MDFIC2: variants seen among roughly 807,000 people sequenced by gnomAD.
The protein encoded by MDFIC2 is myoD family inhibitor domain-containing protein 2.
In MDFIC2 at chr3:70,196,040, C is replaced by T. The variant is rs1701176060; in HGVS notation, c.*886G>A. Among the ~76,000 whole-genome samples, 2 of 152,156 alleles carry T rather than the reference C, an allele frequency of 1.3e-5. No homozygotes were observed. The highest frequency in any genetic ancestry group is 2.9e-5 in the Non-Finnish European group (2 of 68,010). ...AAGTACCCTCAACGCTTATTTCTTT[C>T]TGGTGTCTATACAAATGATAGTTTT... On this transcript the variant is annotated 3_prime_UTR_variant, in exon 4 of 4. Coordinates refer to ENST00000567252, the MANE Select transcript of MDFIC2 (RefSeq NM_001364677.1).
chr3:70,201,666 G>GT (rs1701240676), intron 3 of MDFIC2, among the ~76,000 whole-genome samples: 1 of 152,146 alleles, frequency 6.6e-6, no homozygotes, highest in Non-Finnish European at 1.5e-5. Flanking sequence ...CTCCTCCACA[G>GT]TTTTTAACTA....
intron 2 of MDFIC2, among the ~76,000 whole-genome samples, chr3:70,253,916 C>G (rs1701791448): frequency 6.6e-6 from 1 of 152,028 alleles, no homozygotes; most frequent in African/African-American, 2.4e-5. Context: ...TGTATAATCT[C>G]TTTTAAAAAC....
At chr3:70,259,211 C>A (rs1020834848) in intron 2 of MDFIC2, among the ~76,000 whole-genome samples, 1 of 152,096 alleles carries the variant, frequency 6.6e-6, no homozygotes, top group Non-Finnish European at 1.5e-5. Context: ...AGAACACATT[C>A]TATTCATAGT....
intron 2 of MDFIC2, among the ~76,000 whole-genome samples, chr3:70,207,765 A>G (rs1474776772): frequency 1.3e-5 from 2 of 152,106 alleles, no homozygotes; most frequent in Non-Finnish European, 2.9e-5. Flanking sequence ...ATATGGGAGG[A>G]TATGCATAGG....
intron 2 of MDFIC2, among the ~76,000 whole-genome samples, chr3:70,280,353 T>C (rs926705666): frequency 6.6e-6 from 1 of 152,144 alleles, no homozygotes; most frequent in Non-Finnish European, 1.5e-5. Flanking sequence ...TAAGAGGTAA[T>C]ATGTACAGGT....
At chr3:70,236,495 T>A (rs1701610367) in intron 2 of MDFIC2, among the ~76,000 whole-genome samples, 1 of 152,232 alleles carries the variant, frequency 6.6e-6, no homozygotes, top group East Asian at 1.9e-4. Flanking sequence ...TAAGCCTTCA[T>A]GTATTAGCAA....
chr3:70,211,051 G>C (rs1487525363), intron 2 of MDFIC2, among the ~76,000 whole-genome samples: 1 of 152,020 alleles, frequency 6.6e-6, no homozygotes, highest in Non-Finnish European at 1.5e-5. Flanking sequence ...ATGTGACTTT[G>C]TAATTTTTGC....
intron 2 of MDFIC2, among the ~76,000 whole-genome samples, chr3:70,286,211 C>A (rs949394601): frequency 3.3e-5 from 5 of 152,106 alleles, no homozygotes; most frequent in Non-Finnish European, 7.4e-5. Flanking sequence ...TTAAGTCTTA[C>A]ATCCATCTTG....
chr3:70,236,719 G>A (rs925902668), intron 2 of MDFIC2, among the ~76,000 whole-genome samples: 5 of 151,832 alleles, frequency 3.3e-5, no homozygotes, highest in African/African-American at 4.8e-5. Context: ...CCTCAGCCTC[G>A]TGAGTAGCTG....
intron 2 of MDFIC2, among the ~76,000 whole-genome samples, chr3:70,217,623 G>C (rs951976141): frequency 6.6e-6 from 1 of 152,158 alleles, no homozygotes; most frequent in Non-Finnish European, 1.5e-5. Context: ...AGAGGTAGAA[G>C]GTGTTTTCAT....
intron 2 of MDFIC2, among the ~76,000 whole-genome samples, chr3:70,248,287 T>G (rs540347310): frequency 6.6e-6 from 1 of 152,210 alleles, no homozygotes; most frequent in East Asian, 1.9e-4. Context: ...CTAAATAGAT[T>G]GCAGGAATGT....
intron 2 of MDFIC2, among the ~76,000 whole-genome samples, chr3:70,303,414 A>T (rs1033708643): frequency 8.5e-5 from 13 of 152,140 alleles, no homozygotes; most frequent in African/African-American, 2.9e-4. Context: ...AGGAAAAAAA[A>T]TTATGCGGAG....
At chr3:70,296,479 T>A (rs960527579) in intron 2 of MDFIC2, among the ~76,000 whole-genome samples, 1 of 152,144 alleles carries the variant, frequency 6.6e-6, no homozygotes, top group Admixed American at 6.5e-5. Context: ...ACCGTGACAT[T>A]GGTTAACATA....
chr3:70,281,175 T>C (rs1702079152), intron 2 of MDFIC2, among the ~76,000 whole-genome samples: 1 of 152,164 alleles, frequency 6.6e-6, no homozygotes, highest in African/African-American at 2.4e-5. Context: ...CCTACAATTT[T>C]AGTGTAGTTG....
intron 2 of MDFIC2, among the ~76,000 whole-genome samples, chr3:70,228,629 T>C (rs1701530629): frequency 6.6e-6 from 1 of 151,032 alleles, no homozygotes; most frequent in African/African-American, 2.4e-5. Context: ...TAAGTTTTCT[T>C]ACTTTTTTTT....
chr3:70,287,624 G>T (rs1223994479), intron 2 of MDFIC2, among the ~76,000 whole-genome samples: 3 of 152,102 alleles, frequency 2.0e-5, no homozygotes, highest in Non-Finnish European at 4.4e-5. Flanking sequence ...AATAGTTTCA[G>T]AAGGAATGGT....
chr3:70,246,862 T>G (rs911328381), intron 2 of MDFIC2, among the ~76,000 whole-genome samples: 1 of 152,074 alleles, frequency 6.6e-6, no homozygotes, highest in Admixed American at 6.6e-5. Flanking sequence ...TCTTAAATAT[T>G]TGTAAATATG....
intron 2 of MDFIC2, among the ~76,000 whole-genome samples, chr3:70,246,144 G>A (rs73117937): frequency 0.13 from 19,084 of 151,784 alleles, 1,846 homozygotes; most frequent in East Asian, 0.53. Flanking sequence ...GGGATGAACC[G>A]TAGCAACTAT....
At chr3:70,305,363 A>ACCTGT (rs1298194216) in intron 2 of MDFIC2, among the ~76,000 whole-genome samples, 3 of 152,198 alleles carry the variant, frequency 2.0e-5, no homozygotes, top group Non-Finnish European at 4.4e-5. Flanking sequence ...TAATTCCATT[A>ACCTGT]CCTGTGTTTA....
Sources: allele counts gnomAD v4.1 joint callset (sites outside exome capture counted in the v4.1 genomes callset), GRCh38; gene constraint gnomAD v4.1.1; transcripts MANE v1.5; gene names NCBI Gene and HGNC (gene_info 2026-07-23, HGNC 2026-07-21).